Variants in ENPP2 observed in about 807,000 individuals in gnomAD.
ENPP2 encodes autotaxin.
ENPP2 carries 51 observed loss-of-function variants against 120.2 expected under a neutral mutation model. The ratio of observed to expected loss-of-function variants is 0.42; its 90% CI spans 0.34 to 0.54. ENPP2 has a LOEUF of 0.54. Among genes scored for constraint, ENPP2 ranks in the 20% least tolerant of loss-of-function variants. The pLI, the probability that ENPP2 is intolerant of heterozygous loss-of-function variation, is 0.04. For missense variants in ENPP2, 920 were observed against 1,066.5 expected (o/e 0.86, Z 1.91); for synonymous variants, 365 against 366.4 (o/e 1.00, Z 0.04).
chr8:119,623,740 C>T (rs1046181082), intron 3 of ENPP2, among the ~76,000 whole-genome samples: 2 of 152,030 alleles, frequency 1.3e-5, no homozygotes, highest in Non-Finnish European at 2.9e-5. Flanking sequence ...ATTCTCCTGA[C>T]TCAGCTTCCC....
At chr8:119,608,097 T>C (rs1220977273) in intron 8 of ENPP2, 120 bp from the exon 9 acceptor site, 2 of 544,862 alleles carry the variant, frequency 3.7e-6, no homozygotes, top group Admixed American at 7.5e-5. Flanking sequence ...ACATAAATTT[T>C]CCATTATTTG....
At chr8:119,642,836 C>T (rs972879903), upstream of ENPP2, among the ~76,000 whole-genome samples, 1 of 152,122 alleles carries the variant, frequency 6.6e-6, no homozygotes, top group Non-Finnish European at 1.5e-5. Context: ...CGTCCTTGTT[C>T]CCTAGCCCTG....
At chr8:119,577,790 C>G (rs1812446555) in intron 19 of ENPP2, among the ~76,000 whole-genome samples, 1 of 152,124 alleles carries the variant, frequency 6.6e-6, no homozygotes, top group South Asian at 2.1e-4. Flanking sequence ...AGCCCAGTGT[C>G]AGTATTCAAC....
In ENPP2 at chr8:119,617,489, A is replaced by G; in HGVS notation, c.554T>C (p.Val185Ala). Reference protein sequence around the residue: ...RASYMKKGSKVMPNIEKLRSC... With the variant: ...RASYMKKGSKAMPNIEKLRSC... ...ACTTAGTTTTTCAATATTAGGCATG[A>G]CTTTGCTGCCTTTCTTCATGTATGA... The change falls in exon 6 of 25, where the codon GTC (valine) becomes GCC (alanine). Residue 185 changes from valine (V) to alanine (A), a missense_variant. Val to Ala is a moderately conservative substitution (Grantham distance 64). Transcript: ENST00000075322. 6.2e-7 allele frequency: 1 copy of G among 1,612,446 alleles called. No individual in the cohort carries two copies. The highest frequency in any genetic ancestry group is 1.3e-5 in the African/African-American group (1 of 75,000).
intron 8 of ENPP2, among the ~76,000 whole-genome samples, chr8:119,610,427 G>T (rs753235155): frequency 4.6e-5 from 7 of 151,656 alleles, no homozygotes; most frequent in Non-Finnish European, 8.8e-5. Flanking sequence ...CCAAGGGGGG[G>T]AAAAAGGCAC....
At chr8:119,648,426 C>T (rs1010381041) in intron 1 of ENPP2, among the ~76,000 whole-genome samples, 10 of 152,132 alleles carry the variant, frequency 6.6e-5, no homozygotes, top group African/African-American at 2.4e-4. Flanking sequence ...ATGAGCAGCT[C>T]TTATGTGGCA....
intron 6 of ENPP2, 60 bp from the exon 7 acceptor site, chr8:119,617,303 T>C: frequency 7.2e-7 from 1 of 1,393,484 alleles, no homozygotes. Context: ...TTATAGAAAA[T>C]CCATTTTATA....
Position 119,557,562 on chromosome 8 carries a change from T to A in ENPP2, c.2551A>T (p.Thr851Ser). The A allele has an allele frequency of 6.2e-7, 1 of 1,613,354 alleles. No individual in the cohort carries two copies. The highest frequency in any genetic ancestry group is 8.5e-7 in the Non-Finnish European group (1 of 1,179,986). ...KTSRSYPEIL[T>S]LKTYLHTYES... ...TATGTATGCAGGTATGTCTTGAGTG[T>A]CAGGATTTCTGGGTAGCTGCGGCTG... Residue 851 changes from threonine to serine, a missense_variant, in exon 25 of 25, where the codon ACA becomes TCA. By Grantham distance (58) the Thr-to-Ser change is moderately conservative. Coordinates refer to ENST00000075322, the MANE Select transcript of ENPP2 (RefSeq NM_001040092.3).
chr8:119,591,961 C>T (rs1813537462), intron 12 of ENPP2, among the ~76,000 whole-genome samples: 1 of 152,162 alleles, frequency 6.6e-6, no homozygotes, highest in South Asian at 2.1e-4. Flanking sequence ...TGAGCAATCT[C>T]CTTTACTTTT....
intron 1 of ENPP2, among the ~76,000 whole-genome samples, chr8:119,660,004 G>A (rs1353718273): frequency 1.3e-5 from 2 of 152,024 alleles, no homozygotes; most frequent in African/African-American, 4.8e-5. Flanking sequence ...GCTGGCCAAG[G>A]GACTAAGAAA....
At chr8:119,581,539 T>G (rs1347333132) in intron 18 of ENPP2, among the ~76,000 whole-genome samples, 2 of 152,100 alleles carry the variant, frequency 1.3e-5, no homozygotes, top group Non-Finnish European at 2.9e-5. Context: ...ATGAACAAGC[T>G]GCACTCATCG....
At chr8:119,615,206 G>C (rs151011099) in intron 8 of ENPP2, among the ~76,000 whole-genome samples, 8 of 152,024 alleles carry the variant, frequency 5.3e-5, no homozygotes, top group African/African-American at 1.9e-4. Context: ...GTCATGCCAC[G>C]GTTGAGTGCA....
chr8:119,587,082 A>C lies in ENPP2; in HGVS notation c.1208-7T>G, dbSNP rs1563699467. 1.2e-6 allele frequency: 2 copies of C among 1,605,660 alleles called. No homozygotes were observed. Among genetic ancestry groups the C allele is most frequent in the Non-Finnish European group, 8.5e-7 (1 of 1,176,062 alleles). ...ATAATGGCTTTGGGGTCATCTGTTC[A>C]AAGAGAGGAGAAAGATTTCAAAAGA... On this transcript the variant is annotated splice_region_variant and splice_polypyrimidine_tract_variant and intron_variant, in intron 13 of 24. Coordinates refer to ENST00000075322, the MANE Select transcript of ENPP2 (RefSeq NM_001040092.3).
intron 1 of ENPP2, among the ~76,000 whole-genome samples, chr8:119,653,828 G>T (rs141922602): frequency 6.6e-6 from 1 of 151,948 alleles, no homozygotes; most frequent in Non-Finnish European, 1.5e-5. Flanking sequence ...CAGCCTGAAC[G>T]TGTGGCGTAG....
At chr8:119,612,037 T>A (rs1487474597) in intron 8 of ENPP2, among the ~76,000 whole-genome samples, 1 of 151,376 alleles carries the variant, frequency 6.6e-6, no homozygotes, top group Non-Finnish European at 1.5e-5. Context: ...TCAAAAAAAA[T>A]AAAAATAAAA....
At position 119,590,533 on chromosome 8, in the gene ENPP2, A is replaced by T; in HGVS notation, c.1179T>A (p.Ile393=). Residue 393 remains isoleucine (I), a synonymous_variant, in exon 13 of 25, where the codon ATT becomes ATA. Transcript: ENST00000075322. ...TAGCATTGTTGCTAAATTTGGATCG[A>T]ATTCTTCCTAGAGTTCCAGGCACTA... The part of the protein sequence containing the change: ...ITLVPGTLGR[I]RSKFSNNAKY... 6.3e-7 allele frequency: 1 copy of T among 1,598,054 alleles called. No individual in the cohort carries two copies. The highest frequency in any genetic ancestry group is 8.5e-7 in the Non-Finnish European group (1 of 1,173,318).
intron 1 of ENPP2, among the ~76,000 whole-genome samples, chr8:119,644,587 AATATATATATATATATATATATATATAT>A (rs33966650): frequency 1.7e-5 from 1 of 59,978 alleles, no homozygotes. Context: ...AGATTACTAA[AATATATATATATATATATATATATATAT>A]ATATATATAT....
chr8:119,666,864 G>C (rs2130909269), intron 1 of ENPP2, among the ~76,000 whole-genome samples: 1 of 152,022 alleles, frequency 6.6e-6, no homozygotes, highest in African/African-American at 2.4e-5. Context: ...GAGGTACACA[G>C]ACAATGGAGA....
At chr8:119,617,612 C>T in intron 5 of ENPP2, 49 bp from the exon 6 acceptor site, 1 of 1,275,752 alleles carries the variant, frequency 7.8e-7, no homozygotes, top group Non-Finnish European at 1.1e-6. Flanking sequence ...ACCAGAGTTG[C>T]CATTACGCCT....
Sources: gnomAD v4.1 joint callset for allele counts (sites outside exome capture counted in the v4.1 genomes callset) on GRCh38, gnomAD v4.1.1 for gene constraint, MANE v1.5 for transcripts, NCBI Gene and HGNC (gene_info 2026-07-23, HGNC 2026-07-21) for gene names.